HUWE1: variants seen among roughly 807,000 people sequenced by gnomAD.
The protein encoded by HUWE1 is HECT, UBA and WWE domain containing E3 ubiquitin protein ligase 1, also known as E3 ubiquitin-protein ligase HUWE1.
HUWE1 carries 18 observed loss-of-function variants against 299.4 expected under a neutral mutation model. The ratio of observed to expected loss-of-function variants is 0.06; its 90% CI spans 0.04 to 0.09. The LOEUF (loss-of-function observed/expected upper bound fraction) is 0.09, where lower values mean the gene tolerates loss of function less well. HUWE1 is among the 10% of genes least tolerant of loss of function. The probability of loss-of-function intolerance (pLI) is 1.00; values close to 1 mark genes in which losing one functional copy is unlikely to be tolerated. For missense variants in HUWE1, 1,832 were observed against 3,462.3 expected (o/e 0.53, Z 11.82); for synonymous variants, 1,317 against 1,286.1 (o/e 1.02, Z -0.51).
At chrX:53,645,736 A>AATATATATAT (rs1175668846) in intron 6 of HUWE1, among the ~76,000 whole-genome samples, 1 of 26,132 alleles carries the variant, frequency 3.8e-5, no homozygotes, top group African/African-American at 1.5e-4. Context: ...AAAAAAAAAA[A>AATATATATAT]ATATATATAT....
At chrX:53,601,166 C>CAA (rs1294351744) in intron 28 of HUWE1, among the ~76,000 whole-genome samples, 1 of 109,644 alleles carries the variant, frequency 9.1e-6, no homozygotes, top group Non-Finnish European at 1.9e-5. Context: ...AATTTCTGTA[C>CAA]AAGTTTTAAG....
At chrX:53,594,472 T>G (rs1020290607) in intron 31 of HUWE1, 27 bp downstream of exon 31, 9 of 1,204,848 alleles carry the variant, frequency 7.5e-6, no homozygotes, top group Non-Finnish European at 7.8e-6. Flanking sequence ...CAAGAAATGC[T>G]CCTCTGTGAA....
At chrX:53,673,383 C>T (rs2069652861) in intron 3 of HUWE1, among the ~76,000 whole-genome samples, 1 of 111,484 alleles carries the variant, frequency 9.0e-6, no homozygotes, top group South Asian at 3.7e-4. Context: ...CATGAGACAT[C>T]TTGAGGATGC....
chrX:53,678,013 C>T (rs2069918211), intron 3 of HUWE1, among the ~76,000 whole-genome samples: 1 of 112,049 alleles, frequency 8.9e-6, no homozygotes, highest in Non-Finnish European at 1.9e-5. Context: ...AGAATTTTAA[C>T]ATTCATCTAG....
chrX:53,635,820 T>C (rs1296236435), intron 7 of HUWE1, among the ~76,000 whole-genome samples: 1 of 111,524 alleles, frequency 9.0e-6, no homozygotes, highest in African/African-American at 3.3e-5. Flanking sequence ...CAAAGAAGTC[T>C]CAAAAACAAA....
intron 7 of HUWE1, among the ~76,000 whole-genome samples, chrX:53,641,567 G>C (rs923380957): frequency 9.0e-6 from 1 of 111,700 alleles, no homozygotes; most frequent in African/African-American, 3.3e-5. Context: ...CTGTATGCAG[G>C]CTCCTTTTCT....
intron 3 of HUWE1, among the ~76,000 whole-genome samples, chrX:53,658,494 T>C (rs1374632092): frequency 1.8e-5 from 2 of 111,515 alleles, no homozygotes; most frequent in East Asian, 5.6e-4. Context: ...GTAAGAGTAC[T>C]GTACCGGTAA....
intron 3 of HUWE1, among the ~76,000 whole-genome samples, chrX:53,679,694 T>C (rs1190243960): frequency 8.9e-6 from 1 of 112,357 alleles, no homozygotes; most frequent in African/African-American, 3.2e-5. Context: ...GTTGATACTA[T>C]TAAAGCTGGT....
chrX:53,584,165 T>C, intron 41 of HUWE1, 21 bp downstream of exon 41: 2 of 1,199,887 alleles, frequency 1.7e-6, no homozygotes, highest in Non-Finnish European at 2.3e-6. Context: ...TAGCTTTAGG[T>C]AAAACACTCT....
rs369006623 is a variant in HUWE1, at chrX:53,594,473, C to A, written c.3503+26G>T. On this transcript the variant is annotated intron_variant, in intron 31 of 83. Coordinates refer to ENST00000262854, the MANE Select transcript of HUWE1 (RefSeq NM_031407.7). Reference sequence around the variant, plus strand: ...CAAAGATCAAACTCCAAGAAATGCTCCTCTGTGAAGCAACTTGATCCTTAC... The same window carrying A: ...CAAAGATCAAACTCCAAGAAATGCTACTCTGTGAAGCAACTTGATCCTTAC... 390 of 1,205,167 alleles carry A rather than the reference C, an allele frequency of 3.2e-4. 1 individual carries two copies. The highest frequency in any genetic ancestry group is 4.3e-4 in the Non-Finnish European group (380 of 892,117).
At chrX:53,676,601 A>G (rs1206685031) in intron 3 of HUWE1, among the ~76,000 whole-genome samples, 1 of 111,960 alleles carries the variant, frequency 8.9e-6, no homozygotes, top group Non-Finnish European at 1.9e-5. Flanking sequence ...GAAATGCACA[A>G]GAATGCGCCT....
rs1556976641 is a variant in HUWE1, at chrX:53,589,542, C to T, written c.4461+5G>A. The T allele has an allele frequency of 8.3e-7, 1 of 1,210,605 alleles. No homozygotes were observed. Among genetic ancestry groups the T allele is most frequent in the South Asian group, 1.8e-5 (1 of 56,992 alleles). On this transcript the variant is annotated splice_donor_5th_base_variant and intron_variant, in intron 36 of 83. Transcript: ENST00000262854. ...CTCCCCTCTTCTGACCCCTTGAGAG[C>T]TCACCTGATTGACTACTTGCTTCAG...
intron 25 of HUWE1, among the ~76,000 whole-genome samples, chrX:53,605,967 C>T (rs1349335882): frequency 1.8e-5 from 2 of 111,523 alleles, no homozygotes; most frequent in South Asian, 3.7e-4. Context: ...GGATTAAAGA[C>T]CTGAATATAA....
chrX:53,591,191 C>A (rs2064138998), intron 33 of HUWE1, 69 bp from the exon 34 acceptor site: 2 of 1,135,272 alleles, frequency 1.8e-6, no homozygotes, highest in Non-Finnish European at 1.2e-6. Context: ...AAGGAAGGAA[C>A]CTTTTCAAGA....
At chrX:53,552,280 C>G (rs1556929754) in intron 63 of HUWE1, 31 bp downstream of exon 63, 2 of 1,209,648 alleles carry the variant, frequency 1.7e-6, no homozygotes, top group South Asian at 3.5e-5. Flanking sequence ...CAAAACAATC[C>G]CAGGATGACC....
chrX:53,539,358 C>T (rs1161412079), intron 75 of HUWE1, among the ~76,000 whole-genome samples: 5 of 93,901 alleles, frequency 5.3e-5, no homozygotes, highest in African/African-American at 1.9e-4. Flanking sequence ...ACAATGAGAA[C>T]TTGCAGGGAA....
intron 3 of HUWE1, among the ~76,000 whole-genome samples, chrX:53,657,005 G>C (rs1436229361): frequency 9.0e-6 from 1 of 110,953 alleles, no homozygotes; most frequent in African/African-American, 3.3e-5. Flanking sequence ...CAAAAAAGAT[G>C]AACTTCGACC....
intron 19 of HUWE1, among the ~76,000 whole-genome samples, chrX:53,620,331 C>T (rs1008928693): frequency 1.9e-5 from 2 of 107,665 alleles, no homozygotes; most frequent in East Asian, 3.0e-4. Flanking sequence ...TTATAGCTCA[C>T]TACAGCCTCA....
intron 2 of HUWE1, among the ~76,000 whole-genome samples, chrX:53,685,593 G>C (rs1309328370): frequency 8.9e-6 from 1 of 112,053 alleles, no homozygotes; most frequent in African/African-American, 3.2e-5. Context: ...CCAGTAATCA[G>C]GGAAATGCAA....
Sources: allele counts gnomAD v4.1 joint callset (sites outside exome capture counted in the v4.1 genomes callset), GRCh38; gene constraint gnomAD v4.1.1; transcripts MANE v1.5; gene names NCBI Gene and HGNC (gene_info 2026-07-23, HGNC 2026-07-21).